MCHR2: variants seen among roughly 807,000 people sequenced by gnomAD.
MCHR2 encodes the protein melanin-concentrating hormone receptor 2.
MCHR2 carries 15 observed loss-of-function variants against 24.8 expected under a neutral mutation model. The observed-to-expected ratio is 0.60, with a 90% CI of 0.40 to 0.93. The LOEUF (loss-of-function observed/expected upper bound fraction) is 0.93. MCHR2 is among the 40% of genes least tolerant of loss of function. MCHR2 has a pLI of 0.00. For missense variants in MCHR2, 386 were observed against 408.7 expected (o/e 0.94, Z 0.48); for synonymous variants, 151 against 147.6 (o/e 1.02, Z -0.17).
At chr6:99,925,822 TATTTTTA>T (rs1774342879) in intron 5 of MCHR2, among the ~76,000 whole-genome samples, 1 of 151,274 alleles carries the variant, frequency 6.6e-6, no homozygotes, top group African/African-American at 2.4e-5. Flanking sequence ...TTTTATTTTT[TATTTTTA>T]TTTTTTATTT....
chr6:99,956,474 T>C (rs1171459380), intron 1 of MCHR2, among the ~76,000 whole-genome samples: 1 of 152,138 alleles, frequency 6.6e-6, no homozygotes, highest in African/African-American at 2.4e-5. Flanking sequence ...TATATACTGG[T>C]CCTGGTTGTT....
intron 1 of MCHR2, among the ~76,000 whole-genome samples, chr6:99,974,045 T>C (rs1193721971): frequency 6.6e-6 from 1 of 152,202 alleles, no homozygotes; most frequent in Non-Finnish European, 1.5e-5. Context: ...GTCTTGGAGT[T>C]GCTCTTCTCG....
chr6:99,968,058 G>A (rs1030808935), intron 1 of MCHR2, among the ~76,000 whole-genome samples: 1 of 152,134 alleles, frequency 6.6e-6, no homozygotes, highest in Non-Finnish European at 1.5e-5. Context: ...TCCAAAAAAA[G>A]TATTGAGAAT....
intron 5 of MCHR2, among the ~76,000 whole-genome samples, chr6:99,927,237 A>G (rs1291217463): frequency 1.3e-5 from 2 of 152,178 alleles, no homozygotes; most frequent in South Asian, 2.1e-4. Flanking sequence ...TGGTTACTGC[A>G]GCCTTGTAGT....
At chr6:99,988,877 C>T (rs1027504990) in intron 1 of MCHR2, among the ~76,000 whole-genome samples, 1 of 152,132 alleles carries the variant, frequency 6.6e-6, no homozygotes, top group Admixed American at 6.6e-5. Flanking sequence ...GAATGGCATA[C>T]TGGGTTTCTC....
Position 99,919,519 on chromosome 6 carries a change from T to C in MCHR2, c.*1421A>G, listed in dbSNP as rs1219198796. 6.6e-6 allele frequency among the ~76,000 whole-genome samples: 1 copy of C among 152,182 alleles called. No homozygotes were observed. The highest frequency in any genetic ancestry group is 2.4e-5 in the African/African-American group (1 of 41,446). ...ATGAAGAAGGTGGGTTTACAGACTT[T>C]ATCCACAAGCAAAAATAACAATATT... On this transcript the variant is annotated 3_prime_UTR_variant, in exon 6 of 6. Transcript: ENST00000281806.
At chr6:99,922,823 A>G (rs981729247) in intron 5 of MCHR2, among the ~76,000 whole-genome samples, 15 of 152,082 alleles carry the variant, frequency 9.9e-5, no homozygotes, top group Non-Finnish European at 2.2e-4. Context: ...GTAAGGTAAT[A>G]TGATTCCTCT....
At chr6:99,952,814 CTG>C (rs1774990727) in intron 2 of MCHR2, among the ~76,000 whole-genome samples, 2 of 152,052 alleles carry the variant, frequency 1.3e-5, no homozygotes, top group Admixed American at 6.6e-5. Flanking sequence ...AAAATTAAAA[CTG>C]TTGTTTTAAT....
chr6:99,980,678 T>C (rs951303458), intron 1 of MCHR2, among the ~76,000 whole-genome samples: 14 of 152,152 alleles, frequency 9.2e-5, no homozygotes, highest in African/African-American at 2.4e-4. Flanking sequence ...GATACTACCA[T>C]TGGCAAAAAA....
chr6:99,969,473 CA>C lies in MCHR2; in HGVS notation c.-27-13300del, dbSNP rs1214316677. ...GGGTGAGAAGAGCAAGACTCCATCT[CA>C]AAAAAAAAAAAAAAAAAAGAAAAGA... is the stretch of plus-strand genomic sequence containing the variant. On this transcript the variant is annotated intron_variant, in intron 1 of 5. Transcript: ENST00000281806. Among the ~76,000 whole-genome samples the C allele has an allele frequency of 1.4e-4, 11 of 76,824 alleles. No individual in the cohort carries two copies. The South Asian group carries it at 2.6e-3, about 18-fold the overall frequency. 50.4% of individuals were successfully genotyped at this position (76,824 alleles called of 152,430 possible).
chr6:99,983,844 G>T (rs1775719190), intron 1 of MCHR2, among the ~76,000 whole-genome samples: 2 of 152,068 alleles, frequency 1.3e-5, no homozygotes, highest in Admixed American at 6.6e-5. Flanking sequence ...CATAGGGTTG[G>T]ATATTCCATT....
In MCHR2 at chr6:99,919,714, T is replaced by C. The variant is rs58247666; in HGVS notation, c.*1226A>G. Reference sequence around the variant, plus strand: ...TGTAACCAAAAGGGAATGTTTCTTGTTTTTTTTTTTGTTTGTTTTGTTTTT... The same window carrying C: ...TGTAACCAAAAGGGAATGTTTCTTGCTTTTTTTTTTGTTTGTTTTGTTTTT... On this transcript the variant is annotated 3_prime_UTR_variant, in exon 6 of 6. Coordinates refer to ENST00000281806, the MANE Select transcript of MCHR2 (RefSeq NM_001040179.2). Among the ~76,000 whole-genome samples the C allele has an allele frequency of 0.2, 28,098 of 144,024 alleles. 2,821 individuals carry two copies. Among genetic ancestry groups the C allele is most frequent in the African/African-American group, 0.25 (9,871 of 39,916 alleles). The allele number at this position is 144,024 out of a possible 152,430, so 94.5% of individuals were successfully genotyped here. A position where few individuals can be genotyped will look rare whatever the true frequency, so the allele number is the denominator to read the frequency against.
At chr6:99,971,145 T>C (rs1415821551) in intron 1 of MCHR2, among the ~76,000 whole-genome samples, 5 of 152,160 alleles carry the variant, frequency 3.3e-5, no homozygotes, top group African/African-American at 9.7e-5. Context: ...CTGTAAATTA[T>C]CTTGGGCAGT....
chr6:99,947,075 A>G (rs2114527848), intron 3 of MCHR2, among the ~76,000 whole-genome samples: 1 of 152,242 alleles, frequency 6.6e-6, no homozygotes, highest in Admixed American at 6.5e-5. Context: ...CACCATCACC[A>G]TCATCTCCTC....
At chr6:99,932,378 C>T (rs1028995301) in intron 5 of MCHR2, among the ~76,000 whole-genome samples, 3 of 152,180 alleles carry the variant, frequency 2.0e-5, no homozygotes, top group African/African-American at 4.8e-5. Context: ...GGGATTGTTA[C>T]ATAGATACTC....
At chr6:99,993,212 A>G (rs1297097045) in intron 1 of MCHR2, among the ~76,000 whole-genome samples, 1 of 152,152 alleles carries the variant, frequency 6.6e-6, no homozygotes, top group East Asian at 1.9e-4. Context: ...ATTTTTAGAA[A>G]GAATTTTTCA....
intron 5 of MCHR2, among the ~76,000 whole-genome samples, chr6:99,930,979 T>C (rs1774511625): frequency 2.6e-5 from 4 of 152,154 alleles, no homozygotes; most frequent in Admixed American, 6.5e-5. Flanking sequence ...TTTTATCTAC[T>C]TTTGGTCTTT....
At chr6:99,925,752 G>C (rs2397682) in intron 5 of MCHR2, among the ~76,000 whole-genome samples, 81 of 150,550 alleles carry the variant, frequency 5.4e-4, no homozygotes, top group Middle Eastern at 3.5e-3. Flanking sequence ...ATATCTTATT[G>C]TATTATCTAT....
At chr6:99,963,115 A>G (rs372713028) in intron 1 of MCHR2, among the ~76,000 whole-genome samples, 1 of 152,008 alleles carries the variant, frequency 6.6e-6, no homozygotes. Context: ...CAATTAAAAA[A>G]AAGTGGCAAA....
Sources: gnomAD v4.1 joint callset for allele counts (sites outside exome capture counted in the v4.1 genomes callset) on GRCh38, gnomAD v4.1.1 for gene constraint, MANE v1.5 for transcripts, NCBI Gene and HGNC (gene_info 2026-07-23, HGNC 2026-07-21) for gene names.